Variants in SLC25A21 observed in about 807,000 individuals in gnomAD.
SLC25A21 encodes solute carrier family 25 member 21, also known as mitochondrial 2-oxodicarboxylate carrier.
Under a neutral mutation model 43.8 loss-of-function variants are expected in SLC25A21, and 47 were observed. That is an observed-to-expected ratio of 1.07 (90% CI 0.85 to 1.37). SLC25A21 has a LOEUF of 1.37. SLC25A21 is among the 40% of genes most tolerant of loss of function. The pLI is 0.00. For synonymous variants in SLC25A21, 131 were observed against 121.3 expected (o/e 1.08, Z -0.52); for missense variants, 352 against 350.2 (o/e 1.00, Z -0.04).
intron 1 of SLC25A21, among the ~76,000 whole-genome samples, chr14:37,129,218 C>T (rs984072378): frequency 2.0e-5 from 3 of 152,190 alleles, no homozygotes; most frequent in Admixed American, 6.5e-5. Flanking sequence ...ATAACACTCA[C>T]ATAATAACAG....
chr14:37,045,655 C>T (rs1475009721), intron 1 of SLC25A21, among the ~76,000 whole-genome samples: 2 of 152,182 alleles, frequency 1.3e-5, no homozygotes, highest in African/African-American at 2.4e-5. Context: ...TCCGTTTGGA[C>T]CTGGAAGGTC....
intron 7 of SLC25A21, among the ~76,000 whole-genome samples, chr14:36,700,351 G>A (rs11845166): frequency 0.031 from 4,664 of 152,246 alleles, 231 homozygotes; most frequent in African/African-American, 0.1. Flanking sequence ...AGTGTACTCT[G>A]CATTTGATCA....
intron 7 of SLC25A21, among the ~76,000 whole-genome samples, chr14:36,702,475 C>CAAAAAAAAAA (rs1213350246): frequency 2.6e-4 from 17 of 65,910 alleles, no homozygotes; most frequent in East Asian, 1.5e-3. Context: ...CCTGTCTCCA[C>CAAAAAAAAAA]AAAAAAAAAA....
At chr14:36,883,926 G>A (rs1023535587) in intron 1 of SLC25A21, among the ~76,000 whole-genome samples, 1 of 152,108 alleles carries the variant, frequency 6.6e-6, no homozygotes, top group Non-Finnish European at 1.5e-5. Flanking sequence ...ATTGTGGAAT[G>A]ATTGAGTCAA....
intron 1 of SLC25A21, among the ~76,000 whole-genome samples, chr14:37,075,306 C>T (rs74604833): frequency 0.049 from 7,525 of 152,166 alleles, 243 homozygotes; most frequent in African/African-American, 0.084. Context: ...ATTTCAAATG[C>T]TTCTTGAAAG....
At chr14:36,921,577 GAA>G (rs1306103980) in intron 1 of SLC25A21, among the ~76,000 whole-genome samples, 2 of 152,088 alleles carry the variant, frequency 1.3e-5, no homozygotes, top group Non-Finnish European at 2.9e-5. Context: ...ATGACAGACC[GAA>G]AAGAGTCCAT....
intron 1 of SLC25A21, among the ~76,000 whole-genome samples, chr14:36,965,943 G>T (rs915012676): frequency 6.6e-6 from 1 of 152,160 alleles, no homozygotes; most frequent in Non-Finnish European, 1.5e-5. Flanking sequence ...AATTGCCCAT[G>T]ATGTGATTAT....
chr14:36,876,128 G>C (rs1434641475), intron 1 of SLC25A21, among the ~76,000 whole-genome samples: 1 of 152,172 alleles, frequency 6.6e-6, no homozygotes, highest in African/African-American at 2.4e-5. Context: ...TATAGGCAGA[G>C]CATTTACCTC....
At chr14:37,140,806 T>C (rs1374375220) in intron 1 of SLC25A21, among the ~76,000 whole-genome samples, 1 of 151,856 alleles carries the variant, frequency 6.6e-6, no homozygotes, top group East Asian at 1.9e-4. Context: ...AAGAAATCCC[T>C]TTGGAAAAGT....
At chr14:36,792,298 C>G (rs2138402655) in intron 3 of SLC25A21, among the ~76,000 whole-genome samples, 1 of 152,218 alleles carries the variant, frequency 6.6e-6, no homozygotes, top group East Asian at 1.9e-4. Flanking sequence ...TATCTGAAAT[C>G]TTTATAAAAA....
intron 1 of SLC25A21, among the ~76,000 whole-genome samples, chr14:37,133,815 T>C (rs908108901): frequency 6.6e-6 from 1 of 152,156 alleles, no homozygotes; most frequent in Admixed American, 6.5e-5. Context: ...TACATGTTCT[T>C]GTTTGCTCAG....
At chr14:37,129,843 T>G (rs972076651) in intron 1 of SLC25A21, among the ~76,000 whole-genome samples, 1 of 151,868 alleles carries the variant, frequency 6.6e-6, no homozygotes, top group Non-Finnish European at 1.5e-5. Flanking sequence ...TTTATTTATA[T>G]TTATCCTATT....
At chr14:37,012,410 G>A (rs1376416237) in intron 1 of SLC25A21, among the ~76,000 whole-genome samples, 1 of 152,026 alleles carries the variant, frequency 6.6e-6, no homozygotes, top group East Asian at 1.9e-4. Flanking sequence ...TGCAAATTCT[G>A]TCTCAAGCTC....
chr14:37,081,392 A>G (rs1349814436), intron 1 of SLC25A21, among the ~76,000 whole-genome samples: 1 of 152,208 alleles, frequency 6.6e-6, no homozygotes, highest in Non-Finnish European at 1.5e-5. Flanking sequence ...GTCTCAAGAC[A>G]TGATGCAAAC....
intron 5 of SLC25A21, among the ~76,000 whole-genome samples, chr14:36,727,282 AAAT>A (rs1884639464): frequency 6.6e-6 from 1 of 152,222 alleles, no homozygotes; most frequent in East Asian, 1.9e-4. Flanking sequence ...TGTAAAATGG[AAAT>A]AATAATATCT....
At chr14:36,941,613 T>C (rs1892559636) in intron 1 of SLC25A21, among the ~76,000 whole-genome samples, 1 of 151,874 alleles carries the variant, frequency 6.6e-6, no homozygotes, top group Non-Finnish European at 1.5e-5. Flanking sequence ...TTTTTTATTA[T>C]ACTTTCTTAT....
chr14:36,717,370 T>TA (rs1292685135), intron 6 of SLC25A21, among the ~76,000 whole-genome samples: 4 of 152,210 alleles, frequency 2.6e-5, no homozygotes, highest in African/African-American at 9.7e-5. Context: ...TACGCAGATA[T>TA]AGTTAGAGTC....
At chr14:36,918,666 T>C (rs936237498) in intron 1 of SLC25A21, among the ~76,000 whole-genome samples, 4 of 152,102 alleles carry the variant, frequency 2.6e-5, no homozygotes, top group African/African-American at 9.7e-5. Flanking sequence ...TCACCTTCAA[T>C]TTAATACAAA....
chr14:37,156,560 G>A (rs552644285), intron 1 of SLC25A21, among the ~76,000 whole-genome samples: 1 of 151,986 alleles, frequency 6.6e-6, no homozygotes, highest in Admixed American at 6.6e-5. Context: ...AACACATATA[G>A]ACTAAAAGTA....
Sources: allele counts gnomAD v4.1 joint callset (sites outside exome capture counted in the v4.1 genomes callset), GRCh38; gene constraint gnomAD v4.1.1; transcripts MANE v1.5; gene names NCBI Gene and HGNC (gene_info 2026-07-23, HGNC 2026-07-21).